Variants in SRGAP1 observed in about 807,000 individuals in gnomAD.
The protein encoded by SRGAP1 is SLIT-ROBO Rho GTPase activating protein 1.
In SRGAP1, 43 loss-of-function variants were observed where a neutral mutation model predicts 121.9. The observed-to-expected ratio is 0.35, with a 90% CI of 0.28 to 0.46. The LOEUF (loss-of-function observed/expected upper bound fraction) is 0.46, where lower values mean the gene tolerates loss of function less well. SRGAP1 is among the 20% of genes least tolerant of loss of function. The probability of loss-of-function intolerance (pLI) is 1.00; values close to 1 mark genes in which losing one functional copy is unlikely to be tolerated. For missense variants in SRGAP1, 1,102 were observed against 1,350.9 expected, an observed-to-expected ratio of 0.82 and a Z score of 2.89; for synonymous variants, 447 against 485.4, an observed-to-expected ratio of 0.92 and a Z score of 1.04.
At position 63,868,077 on chromosome 12, in the gene SRGAP1, TTGTTTTTTTTTTTTTG is replaced by T. The variant is rs1565927733; in HGVS notation, c.67+23196_67+23211del. 5.0e-3 allele frequency among the ~76,000 whole-genome samples: 442 copies of T among 89,208 alleles called. 12 individuals carry two copies. Among genetic ancestry groups the T allele is most frequent in the African/African-American group, 0.016 (350 of 21,736 alleles). The allele number at this position is 89,208 out of a possible 152,430, so 58.5% of individuals were successfully genotyped here. ...ATATATTTTTTTTTTTTTTTTTTTT[TTGTTTTTTTTTTTTTG>T]TTTTTTGAGATAGAGTTTCACTCTG... is the stretch of plus-strand genomic sequence containing the variant. On this transcript the variant is annotated intron_variant, in intron 1 of 21. Transcript: ENST00000355086.
intron 3 of SRGAP1, among the ~76,000 whole-genome samples, chr12:64,015,139 A>G (rs928725228): frequency 2.0e-5 from 3 of 152,144 alleles, no homozygotes; most frequent in African/African-American, 7.2e-5. Context: ...TAGACTTGCT[A>G]CCTGAAACGT....
chr12:63,986,465 C>T (rs1462936436), intron 2 of SRGAP1, among the ~76,000 whole-genome samples: 1 of 151,624 alleles, frequency 6.6e-6, no homozygotes, highest in Non-Finnish European at 1.5e-5. Context: ...GCTCTGTCGC[C>T]CAGGCTGGAG....
intron 21 of SRGAP1, among the ~76,000 whole-genome samples, chr12:64,128,620 C>A (rs2036737295): frequency 6.6e-6 from 1 of 152,186 alleles, no homozygotes; most frequent in African/African-American, 2.4e-5. Context: ...GTAGTCCCTC[C>A]TTATCTGCAG....
At chr12:63,987,141 G>A (rs962338817) in intron 2 of SRGAP1, among the ~76,000 whole-genome samples, 3 of 152,188 alleles carry the variant, frequency 2.0e-5, no homozygotes, top group African/African-American at 7.2e-5. Context: ...TTGATAACCA[G>A]CCCAGGATAT....
At chr12:63,861,576 G>T (rs908806050) in intron 1 of SRGAP1, among the ~76,000 whole-genome samples, 2 of 152,068 alleles carry the variant, frequency 1.3e-5, no homozygotes, top group Non-Finnish European at 2.9e-5. Context: ...TAGGAATACA[G>T]GCATGAACCA....
intron 4 of SRGAP1, among the ~76,000 whole-genome samples, chr12:64,017,886 T>C (rs2034446966): frequency 6.6e-6 from 1 of 152,120 alleles, no homozygotes; most frequent in Non-Finnish European, 1.5e-5. Flanking sequence ...AACTACTTTA[T>C]TAAAAATAAC....
At chr12:64,097,421 T>C in intron 15 of SRGAP1, 46 bp downstream of exon 15, 3 of 1,600,588 alleles carry the variant, frequency 1.9e-6, no homozygotes, top group Non-Finnish European at 2.6e-6. Context: ...ATTATTTCAC[T>C]AGCTAACTTC....
intron 2 of SRGAP1, among the ~76,000 whole-genome samples, 170 bp downstream of exon 2, chr12:63,984,312 T>C (rs1784644461): frequency 6.6e-6 from 1 of 152,242 alleles, no homozygotes; most frequent in African/African-American, 2.4e-5. Flanking sequence ...CAGTTTATCA[T>C]TTTAAACTAG....
At chr12:64,065,091 T>C (rs1461171576) in intron 7 of SRGAP1, 27 bp from the exon 8 acceptor site, 2 of 1,591,264 alleles carry the variant, frequency 1.3e-6, no homozygotes, top group Admixed American at 3.5e-5. Context: ...GGTGCCCTGT[T>C]GTAACTGGTT....
intron 12 of SRGAP1, among the ~76,000 whole-genome samples, chr12:64,094,362 A>AT (rs1303091610): frequency 1.3e-5 from 2 of 152,142 alleles, no homozygotes; most frequent in East Asian, 1.9e-4. Context: ...CAGTTGTGCC[A>AT]TTTTTTTCTT....
chr12:64,036,257 G>C (rs2034901205), intron 4 of SRGAP1, among the ~76,000 whole-genome samples: 1 of 152,150 alleles, frequency 6.6e-6, no homozygotes, highest in South Asian at 2.1e-4. Flanking sequence ...TACTGTGGCT[G>C]TGTTAGGTTC....
chr12:63,909,200 C>T (rs1282363529), intron 1 of SRGAP1, among the ~76,000 whole-genome samples: 1 of 152,080 alleles, frequency 6.6e-6, no homozygotes, highest in Admixed American at 6.6e-5. Flanking sequence ...CAATAAGAAT[C>T]TTAATGTAAT....
In SRGAP1 at chr12:64,142,437, C is replaced by T; in HGVS notation, c.3023C>T (p.Ser1008Phe). ...NSPTPATSTE[S>F]LSPLHNVALR... Reference sequence around the variant, plus strand: ...CCCACCCCTGCCACTTCCACGGAATCTCTCAGCCCTTTGCACAACGTTGCC... The same window carrying T: ...CCCACCCCTGCCACTTCCACGGAATTTCTCAGCCCTTTGCACAACGTTGCC... Residue 1008 changes from serine (S) to phenylalanine (F), a missense_variant, in exon 22 of 22, where the codon TCT becomes TTT. Physicochemically the swap from Ser to Phe is radical, Grantham distance 155. Around this residue, in one of 3 missense-constraint regions of SRGAP1, gnomAD observed 315 missense variants for 343.1 expected, o/e 0.92. Transcript: ENST00000355086. 3 of 1,614,174 alleles carry T rather than the reference C, an allele frequency of 1.9e-6. No homozygotes were observed. The highest frequency in any genetic ancestry group is 2.5e-6 in the Non-Finnish European group (3 of 1,180,038).
At chr12:63,949,139 A>G (rs1225721298) in intron 1 of SRGAP1, among the ~76,000 whole-genome samples, 15 of 145,438 alleles carry the variant, frequency 1.0e-4, no homozygotes, top group African/African-American at 3.6e-4. Flanking sequence ...TTCCATATAT[A>G]TACATTCATA....
At chr12:63,910,999 T>C (rs1313480631) in intron 1 of SRGAP1, among the ~76,000 whole-genome samples, 1 of 151,712 alleles carries the variant, frequency 6.6e-6, no homozygotes, top group Non-Finnish European at 1.5e-5. Context: ...AAAGTATATA[T>C]AAAAAAAGAA....
intron 1 of SRGAP1, among the ~76,000 whole-genome samples, chr12:63,936,405 A>C (rs2031663303): frequency 6.6e-6 from 1 of 152,190 alleles, no homozygotes; most frequent in South Asian, 2.1e-4. Context: ...TCCAGTTATC[A>C]GAAATTGGCT....
chr12:64,022,350 C>A (rs1405951172), intron 4 of SRGAP1, among the ~76,000 whole-genome samples: 2 of 152,124 alleles, frequency 1.3e-5, no homozygotes, highest in African/African-American at 4.8e-5. Flanking sequence ...AATTCAACTC[C>A]AGGAAAAGAC....
intron 1 of SRGAP1, among the ~76,000 whole-genome samples, chr12:63,893,025 A>G (rs1900639072): frequency 6.6e-6 from 1 of 152,216 alleles, no homozygotes; most frequent in Non-Finnish European, 1.5e-5. Context: ...GCAACACAGT[A>G]AATTTAAGTA....
At chr12:64,007,921 C>G (rs563989376) in intron 3 of SRGAP1, among the ~76,000 whole-genome samples, 1 of 152,264 alleles carries the variant, frequency 6.6e-6, no homozygotes, top group Admixed American at 6.5e-5. Flanking sequence ...CTAAGACATT[C>G]TGATTTGAAA....
Sources: gnomAD v4.1 joint callset for allele counts (sites outside exome capture counted in the v4.1 genomes callset) on GRCh38, gnomAD v4.1.1 for gene constraint, gnomAD v4.1.1 regional missense constraint, MANE v1.5 for transcripts, NCBI Gene and HGNC (gene_info 2026-07-23, HGNC 2026-07-21) for gene names.